The following RBPMS variants were observed in gnomAD, a reference collection of about 807,000 sequenced individuals.
RBPMS encodes the protein RNA-binding protein with multiple splicing.
A neutral mutation model predicts 26.8 loss-of-function variants in RBPMS; 7 were observed. The ratio of observed to expected loss-of-function variants is 0.26; its 90% CI spans 0.15 to 0.49. The LOEUF (loss-of-function observed/expected upper bound fraction) is 0.49, where lower values mean the gene tolerates loss of function less well. Ranked by LOEUF, RBPMS falls within the 20% of genes least tolerant of loss-of-function variation. RBPMS has a pLI of 0.98. For synonymous variants in RBPMS, 96 were observed against 93.3 expected (o/e 1.03, Z -0.17); for missense variants, 186 against 250.0 (o/e 0.74, Z 1.73).
chr8:30,558,496 T>C, intron 6 of RBPMS: 1 of 319,708 alleles, frequency 3.1e-6, no homozygotes, highest in South Asian at 3.4e-5. Flanking sequence ...CCAAAGCAGC[T>C]ATGTTTCCAC....
chr8:30,392,069 T>A (rs1210146484), intron 1 of RBPMS, among the ~76,000 whole-genome samples: 1 of 152,054 alleles, frequency 6.6e-6, no homozygotes, highest in African/African-American at 2.4e-5. Flanking sequence ...AGGCAGTTCC[T>A]GTCTTAAAGT....
chr8:30,543,034 C>G (rs1825547907), intron 5 of RBPMS, among the ~76,000 whole-genome samples: 1 of 152,132 alleles, frequency 6.6e-6, no homozygotes, highest in African/African-American at 2.4e-5. Context: ...TTTCTATCAC[C>G]AAGTCCTGAG....
At chr8:30,468,997 C>G (rs1816808945) in intron 1 of RBPMS, among the ~76,000 whole-genome samples, 1 of 152,190 alleles carries the variant, frequency 6.6e-6, no homozygotes, top group Non-Finnish European at 1.5e-5. Flanking sequence ...GAGCCCAGCT[C>G]AGAGCAGCTA....
At position 30,461,768 on chromosome 8, in the gene RBPMS, G is replaced by C. The variant is rs773994893; in HGVS notation, c.67-13011G>C. Among the ~76,000 whole-genome samples, 175 of 152,288 alleles carry C rather than the reference G, an allele frequency of 1.1e-3. No individual in the cohort carries two copies. The Middle Eastern group carries it at 0.02, about 18-fold the overall frequency. On this transcript the variant is annotated intron_variant, in intron 1 of 8. Transcript: ENST00000397323. ...AGTTTCTGCCTGTAGTAACATCTTA[G>C]AAAACTGTAGCACAATGTCACAATC...
At chr8:30,546,178 G>C (rs1020196110) in intron 6 of RBPMS, among the ~76,000 whole-genome samples, 1 of 152,168 alleles carries the variant, frequency 6.6e-6, no homozygotes, top group East Asian at 1.9e-4. Context: ...CCCTGCTCTG[G>C]ATGGTGTCTC....
intron 1 of RBPMS, chr8:30,442,699 T>A (rs1813240191): frequency 6.6e-6 from 1 of 152,130 alleles, no homozygotes. Context: ...CGGCCGCACT[T>A]CTGGTTGCGC....
At chr8:30,476,724 A>G (rs1018779720) in intron 2 of RBPMS, among the ~76,000 whole-genome samples, 1 of 152,210 alleles carries the variant, frequency 6.6e-6, no homozygotes, top group Non-Finnish European at 1.5e-5. Flanking sequence ...GTAGTGGTCA[A>G]TCACGTCAAG....
In RBPMS at chr8:30,385,163, TG is replaced by T; in HGVS notation, c.66+8del. 6.7e-7 allele frequency: 1 copy of T among 1,497,574 alleles called. No homozygotes were observed. Among genetic ancestry groups the T allele is most frequent in the Non-Finnish European group, 8.9e-7 (1 of 1,122,394 alleles). The allele number at this position is 1,497,574 out of a possible 1,614,324, so 92.8% of individuals were successfully genotyped here. A position where few individuals can be genotyped will look rare whatever the true frequency, so the allele number is the denominator to read the frequency against. On this transcript the variant is annotated splice_donor_region_variant and intron_variant, in intron 1 of 8. Coordinates refer to ENST00000397323, the MANE Select transcript of RBPMS (RefSeq NM_001008710.3). The stretch of plus-strand genomic sequence containing the variant: ...GCCAACCTTCAGGAGGAGGAGGTAC[TG>T]GGCGGCTCGGTGTGGTGGCGGGGGC...
intron 1 of RBPMS, among the ~76,000 whole-genome samples, chr8:30,441,826 C>T (rs1017902215): frequency 2.0e-5 from 3 of 152,090 alleles, no homozygotes; most frequent in East Asian, 3.8e-4. Context: ...TTTTTTGAGA[C>T]GGAGTCTCGC....
intron 5 of RBPMS, among the ~76,000 whole-genome samples, chr8:30,538,926 G>T (rs538056364): frequency 6.6e-6 from 1 of 152,278 alleles, no homozygotes; most frequent in South Asian, 2.1e-4. Flanking sequence ...AGTGTGCACT[G>T]CCCTGCACCA....
At chr8:30,386,596 G>A (rs1807122180) in intron 1 of RBPMS, among the ~76,000 whole-genome samples, 1 of 152,140 alleles carries the variant, frequency 6.6e-6, no homozygotes, top group African/African-American at 2.4e-5. Context: ...GCGATGGAGA[G>A]TTGAATGGTG....
intron 1 of RBPMS, among the ~76,000 whole-genome samples, chr8:30,454,613 ATTTG>A (rs1814984392): frequency 6.6e-6 from 1 of 152,204 alleles, no homozygotes. Flanking sequence ...TAGCAGAAGG[ATTTG>A]TTTCTTATAA....
chr8:30,393,045 A>G (rs1267507229), intron 1 of RBPMS, among the ~76,000 whole-genome samples: 14 of 152,198 alleles, frequency 9.2e-5, no homozygotes, highest in Admixed American at 9.2e-4. Context: ...GTGAAAATTT[A>G]GAGTCATGTT....
At chr8:30,511,471 GAAAAAAA>G (rs1188894079) in intron 5 of RBPMS, among the ~76,000 whole-genome samples, 181 of 11,058 alleles carry the variant, frequency 0.016, 1 homozygote, top group East Asian at 0.045. Context: ...AACAAAAAAA[GAAAAAAA>G]AAAAAAAAAT....
At chr8:30,550,202 C>G (rs557414558) in intron 6 of RBPMS, among the ~76,000 whole-genome samples, 2 of 152,042 alleles carry the variant, frequency 1.3e-5, no homozygotes, top group Non-Finnish European at 2.9e-5. Context: ...CAGGAGAGCT[C>G]TGCGGGGCTT....
intron 1 of RBPMS, among the ~76,000 whole-genome samples, chr8:30,455,292 CA>C (rs1160922341): frequency 6.6e-6 from 1 of 151,990 alleles, no homozygotes; most frequent in Non-Finnish European, 1.5e-5. Flanking sequence ...CATTCCAATG[CA>C]AAAGGAAACT....
intron 6 of RBPMS, among the ~76,000 whole-genome samples, chr8:30,555,566 GAA>G (rs879673892): frequency 1.6e-4 from 25 of 152,222 alleles, no homozygotes; most frequent in Non-Finnish European, 3.1e-4. Context: ...AACTATGGGA[GAA>G]GAGAGAGAGG....
At chr8:30,489,593 C>T (rs917179990) in intron 4 of RBPMS, among the ~76,000 whole-genome samples, 2 of 151,774 alleles carry the variant, frequency 1.3e-5, no homozygotes, top group African/African-American at 2.4e-5. Context: ...TACAGGCGCG[C>T]GCCGCCACGC....
chr8:30,416,581 C>A (rs1810105285), intron 1 of RBPMS, among the ~76,000 whole-genome samples: 1 of 152,160 alleles, frequency 6.6e-6, no homozygotes, highest in African/African-American at 2.4e-5. Flanking sequence ...CTCCTGGGTT[C>A]ATGCCATTCT....
Sources: gnomAD v4.1 joint callset for allele counts (sites outside exome capture counted in the v4.1 genomes callset) on GRCh38, gnomAD v4.1.1 for gene constraint, MANE v1.5 for transcripts, NCBI Gene and HGNC (gene_info 2026-07-23, HGNC 2026-07-21) for gene names.